ATP10A: variants seen among roughly 807,000 people sequenced by gnomAD.
The protein encoded by ATP10A is phospholipid-transporting ATPase VA.
ATP10A carries 111 observed loss-of-function variants against 147.8 expected under a neutral mutation model. The ratio of observed to expected loss-of-function variants is 0.75; its 90% CI spans 0.64 to 0.88. The LOEUF (loss-of-function observed/expected upper bound fraction) is 0.88, where lower values mean the gene tolerates loss of function less well. ATP10A is among the 40% of genes least tolerant of loss of function. The pLI, the probability that ATP10A is intolerant of heterozygous loss-of-function variation, is 0.00. For synonymous variants in ATP10A, 875 were observed against 841.6 expected, an observed-to-expected ratio of 1.04 and a Z score of -0.69; for missense variants, 1,927 against 1,959.0, an observed-to-expected ratio of 0.98 and a Z score of 0.31.
At chr15:25,792,966 G>A (rs1048852976) in intron 1 of ATP10A, among the ~76,000 whole-genome samples, 6 of 149,624 alleles carry the variant, frequency 4.0e-5, no homozygotes, top group African/African-American at 1.5e-4. Context: ...CACCTCCCAG[G>A]TTCAAGCAAT....
intron 3 of ATP10A, among the ~76,000 whole-genome samples, chr15:25,728,009 G>A (rs915588604): frequency 1.3e-5 from 2 of 152,150 alleles, no homozygotes; most frequent in Non-Finnish European, 2.9e-5. Flanking sequence ...CTGTAGCCCA[G>A]GCCTGCTGTG....
downstream of ATP10A, chr15:25,677,490 A>G (rs1305429306): frequency 1.3e-5 from 2 of 152,324 alleles, no homozygotes; most frequent in East Asian, 3.9e-4. Context: ...CTGTGCAAGG[A>G]TCATCTGGAA....
rs916044172 is a variant in ATP10A, at chr15:25,714,150, C to G, written c.1868G>C (p.Ser623Thr). 5 of 1,611,080 alleles carry G rather than the reference C, an allele frequency of 3.1e-6. No homozygotes were observed. The highest frequency in any genetic ancestry group is 4.2e-6 in the Non-Finnish European group (5 of 1,180,034). ...GTTGGCGGCCAGGCTCCCGATGCTG[C>G]TGCAGCCTGAGGTCAGGCAGCTGGG... The part of the protein sequence containing the change: ...FTPSCLTSGC[S>T]SIGSLAANKS... Residue 623 changes from serine to threonine, a missense_variant, in exon 10 of 21, where the codon AGC (serine) becomes ACC (threonine). Ser to Thr is a moderately conservative substitution (Grantham distance 58). Transcript: ENST00000555815.
chr15:25,721,545 T>TGTGTGA, intron 7 of ATP10A, 112 bp downstream of exon 7: 1 of 21,180 alleles, frequency 4.7e-5, no homozygotes, highest in Non-Finnish European at 1.0e-4. Context: ...CCCTGAAGCG[T>TGTGTGA]GTGTGTGTGT....
At chr15:25,714,769 C>A (rs987130834) in intron 9 of ATP10A, among the ~76,000 whole-genome samples, 1 of 152,002 alleles carries the variant, frequency 6.6e-6, no homozygotes, top group Non-Finnish European at 1.5e-5. Flanking sequence ...ATTTTTTTTC[C>A]AATTAAAAAG....
intron 2 of ATP10A, among the ~76,000 whole-genome samples, chr15:25,747,630 T>G (rs961077686): frequency 6.6e-6 from 1 of 152,050 alleles, no homozygotes; most frequent in African/African-American, 2.4e-5. Context: ...ATTTGAAAAT[T>G]TAAGTAAAAA....
intron 3 of ATP10A, among the ~76,000 whole-genome samples, chr15:25,733,640 C>T (rs1015746596): frequency 2.6e-5 from 4 of 152,214 alleles, no homozygotes; most frequent in East Asian, 3.9e-4. Flanking sequence ...CAGAACACCC[C>T]GGCTGGTGGA....
chr15:25,769,225 A>T (rs11632451), intron 2 of ATP10A, among the ~76,000 whole-genome samples: 2 of 151,908 alleles, frequency 1.3e-5, no homozygotes, highest in South Asian at 4.1e-4. Context: ...GGTGGCTTAC[A>T]CCTGTAATCC....
At chr15:25,848,103 A>G (rs986000639) in intron 1 of ATP10A, among the ~76,000 whole-genome samples, 18 of 147,258 alleles carry the variant, frequency 1.2e-4, no homozygotes, top group African/African-American at 4.5e-4. Flanking sequence ...CTGGCAACAC[A>G]GCAAGACCTG....
At chr15:25,818,172 C>T (rs1466445649) in intron 1 of ATP10A, among the ~76,000 whole-genome samples, 1 of 151,994 alleles carries the variant, frequency 6.6e-6, no homozygotes, top group Non-Finnish European at 1.5e-5. Context: ...ACATAAATAT[C>T]TCATACTATT....
intron 9 of ATP10A, 44 bp from the exon 10 acceptor site, chr15:25,714,285 T>G: frequency 6.3e-7 from 1 of 1,575,328 alleles, no homozygotes; most frequent in Non-Finnish European, 8.6e-7. Flanking sequence ...AACTGCTATG[T>G]CCCCCAGAGG....
At chr15:25,859,646 G>A (rs77620334) in intron 1 of ATP10A, among the ~76,000 whole-genome samples, 1 of 151,974 alleles carries the variant, frequency 6.6e-6, no homozygotes, top group African/African-American at 2.4e-5. Context: ...TAAATAGCGT[G>A]TGAAATCCAT....
At position 25,706,230 on chromosome 15, in the gene ATP10A, C is replaced by G. The variant is rs140137492; in HGVS notation, c.2575+1746G>C. Among the ~76,000 whole-genome samples, 292 of 152,274 alleles carry G rather than the reference C, an allele frequency of 1.9e-3. 1 individual carries two copies. The Middle Eastern group carries it at 0.027, about 14-fold the overall frequency. Reference sequence around the variant, plus strand: ...CCGTTAACAACTTAGGATATGTTAACAGAGCTGCAGCATCCGGGCCAAGAG... The same window carrying G: ...CCGTTAACAACTTAGGATATGTTAAGAGAGCTGCAGCATCCGGGCCAAGAG... On this transcript the variant is annotated intron_variant, in intron 12 of 20. Coordinates refer to ENST00000555815, the MANE Select transcript of ATP10A (RefSeq NM_024490.4).
chr15:25,850,933 C>G (rs1388675003), intron 1 of ATP10A, among the ~76,000 whole-genome samples: 1 of 152,152 alleles, frequency 6.6e-6, no homozygotes, highest in African/African-American at 2.4e-5. Context: ...GCCTGGGTTT[C>G]CTGCCATTTC....
chr15:25,709,883 G>C (rs1044470876), intron 10 of ATP10A: 1 of 152,280 alleles, frequency 6.6e-6, no homozygotes, highest in African/African-American at 2.4e-5. Flanking sequence ...TGGGGCCCTT[G>C]TGGAGGCTGG....
intron 1 of ATP10A, among the ~76,000 whole-genome samples, chr15:25,843,714 GAAAGAC>G (rs1375847886): frequency 1.3e-5 from 2 of 152,112 alleles, no homozygotes; most frequent in Non-Finnish European, 1.5e-5. Flanking sequence ...GTCCCCTGTA[GAAAGAC>G]AGACGCACGG....
At chr15:25,703,474 G>A (rs1283436396) in intron 12 of ATP10A, among the ~76,000 whole-genome samples, 1 of 152,226 alleles carries the variant, frequency 6.6e-6, no homozygotes, top group African/African-American at 2.4e-5. Flanking sequence ...CAGACATTGT[G>A]AGCTGTTAGA....
chr15:25,744,147 CG>C (rs1189421245), intron 2 of ATP10A, among the ~76,000 whole-genome samples: 2 of 152,096 alleles, frequency 1.3e-5, no homozygotes, highest in Non-Finnish European at 2.9e-5. Flanking sequence ...TAATACAACA[CG>C]GTGCCACTGC....
chr15:25,691,164 A>G (rs1336321262), intron 15 of ATP10A, among the ~76,000 whole-genome samples: 1 of 152,214 alleles, frequency 6.6e-6, no homozygotes, highest in Non-Finnish European at 1.5e-5. Context: ...AAATGTTGGA[A>G]ACTGTTGTAA....
Sources: allele counts gnomAD v4.1 joint callset (sites outside exome capture counted in the v4.1 genomes callset), GRCh38; gene constraint gnomAD v4.1.1; transcripts MANE v1.5; gene names NCBI Gene and HGNC (gene_info 2026-07-23, HGNC 2026-07-21).